The following PRCD variants were observed in gnomAD, a reference collection of about 807,000 sequenced individuals.
The protein encoded by PRCD is photoreceptor disc component.
A neutral mutation model predicts 10.1 loss-of-function variants in PRCD; 12 were observed. The ratio of observed to expected loss-of-function variants is 1.18; its 90% CI spans 0.76 to 1.92. The LOEUF is 1.92. Ranked by LOEUF, PRCD falls within the 40% of genes most tolerant of loss-of-function variation. The pLI is 0.00. For missense variants in PRCD, 61 were observed against 72.2 expected, an observed-to-expected ratio of 0.84 and a Z score of 0.56; for synonymous variants, 31 against 26.2, an observed-to-expected ratio of 1.18 and a Z score of -0.56.
intron 2 of PRCD, among the ~76,000 whole-genome samples, chr17:76,541,544 C>A (rs2074993787): frequency 2.0e-5 from 3 of 152,110 alleles, no homozygotes; most frequent in Non-Finnish European, 4.4e-5. Flanking sequence ...TCGTCTGAGT[C>A]CTGGGATTCT....
At position 76,544,924 on chromosome 17, in the gene PRCD, AGGT is replaced by A; in HGVS notation, c.*1280_*1282del. Reference sequence around the variant, plus strand: ...CCACTGTTCCGAGAACCTGCGCAGGAGGTGGTGGCTGCTCCAGGGATCCATCCA... The same window carrying A: ...CCACTGTTCCGAGAACCTGCGCAGGAGGTGGCTGCTCCAGGGATCCATCCA... On this transcript the variant is annotated 3_prime_UTR_variant, in exon 5 of 5. Coordinates refer to ENST00000592014, the MANE Select transcript of PRCD (RefSeq NM_001077620.3). 2.2e-6 allele frequency: 1 copy of A among 456,632 alleles called. No homozygotes were observed. Among genetic ancestry groups the A allele is most frequent in the Non-Finnish European group, 4.4e-6 (1 of 226,952 alleles). 28.3% of individuals were successfully genotyped at this position (456,632 alleles called of 1,614,324 possible). A position where few individuals can be genotyped will look rare whatever the true frequency, so the allele number is the denominator to read the frequency against.
Position 76,544,733 on chromosome 17 carries a change from G to A in PRCD, c.*1083G>A, listed in dbSNP as rs778404458. 178 of 456,652 alleles carry A rather than the reference G, an allele frequency of 3.9e-4. No individual in the cohort carries two copies. The highest frequency in any genetic ancestry group is 1.6e-4 in the Non-Finnish European group (36 of 226,984). The allele number at this position is 456,652 out of a possible 1,614,324, so 28.3% of individuals were successfully genotyped here. ...TCCCGGGACCCAGTCTGTGTTCCCC[G>A]ATCCTATCTGCATTTATTCTCTATT... On this transcript the variant is annotated 3_prime_UTR_variant, in exon 5 of 5. Coordinates refer to ENST00000592014, the MANE Select transcript of PRCD (RefSeq NM_001077620.3).
intron 1 of PRCD, chr17:76,551,146 G>C (rs1338561705): frequency 6.6e-6 from 1 of 152,180 alleles, no homozygotes; most frequent in African/African-American, 2.4e-5. Context: ...AACTTCGCAG[G>C]AAGTATTTAA....
rs1022738846 is a variant in PRCD, at chr17:76,544,694, C to A, written c.*1044C>A. On this transcript the variant is annotated 3_prime_UTR_variant, in exon 5 of 5. Transcript: ENST00000592014. ...GGTGACAGGCCTGTCAGGCTGAGGGCCAGAGGGCACTGTTCCCGGGACCCA... is the reference window on the plus strand; with the variant it reads ...GGTGACAGGCCTGTCAGGCTGAGGGACAGAGGGCACTGTTCCCGGGACCCA... The A allele has an allele frequency of 2.2e-6, 1 of 456,664 alleles. No individual in the cohort carries two copies. The highest frequency in any genetic ancestry group is 2.0e-5 in the African/African-American group (1 of 50,088). The allele number at this position is 456,664 out of a possible 1,614,324, so 28.3% of individuals were successfully genotyped here.
chr17:76,544,659 C>T lies in PRCD; in HGVS notation c.*1009C>T, dbSNP rs1256119330. ...AGCCTGTCTCTCTCTTTGGAGGCAT[C>T]GGCCTTCCTGGTGACAGGCCTGTCA... On this transcript the variant is annotated 3_prime_UTR_variant, in exon 5 of 5. Transcript: ENST00000592014. 6 of 456,790 alleles carry T rather than the reference C, an allele frequency of 1.3e-5. No individual in the cohort carries two copies. The highest frequency in any genetic ancestry group is 3.3e-4 in the Middle Eastern group (1 of 3,076). 28.3% of individuals were successfully genotyped at this position (456,790 alleles called of 1,614,324 possible).
At position 76,545,068 on chromosome 17, in the gene PRCD, TG is replaced by T. The variant is rs558478413; in HGVS notation, c.*1419del. 2.3e-4 allele frequency: 103 copies of T among 451,614 alleles called. No homozygotes were observed. The highest frequency in any genetic ancestry group is 4.9e-4 in the Middle Eastern group (1 of 2,028). 28.0% of individuals were successfully genotyped at this position (451,614 alleles called of 1,614,324 possible). A position where few individuals can be genotyped will look rare whatever the true frequency, so the allele number is the denominator to read the frequency against. The stretch of plus-strand genomic sequence containing the variant: ...TGCCATGTGGGCCGGGTGGGGGGGC[TG>T]TCTCCCCCAGGGAGCAGGCTGGCTT... On this transcript the variant is annotated 3_prime_UTR_variant, in exon 5 of 5. Transcript: ENST00000592014.
chr17:76,528,920 G>A lies in PRCD; in HGVS notation n.45+1087G>A. The A allele has an allele frequency of 8.6e-7, 1 of 1,166,806 alleles. No individual in the cohort carries two copies. Among genetic ancestry groups the A allele is most frequent in the Non-Finnish European group, 1.1e-6 (1 of 947,298 alleles). 72.3% of individuals were successfully genotyped at this position (1,166,806 alleles called of 1,614,324 possible). On this transcript the variant is annotated intron_variant and non_coding_transcript_variant, in intron 1 of 4. Coordinates refer to the PRCD transcript ENST00000397633. This position sits in a 1 kb window ranked among gnomAD's most constrained non-coding sequence, Gnocchi z 5.8. ...ACAAACTGCAAAGCACGATACCAAT[G>A]TGAGCTCTTTTTCCATTAATTCTGA...
chr17:76,529,065 CA>C, intron 1 of PRCD: 1 of 554,142 alleles, frequency 1.8e-6, no homozygotes, highest in South Asian at 8.4e-5. Context: ...ACCCCCCACC[CA>C]CGCAAAGGCG....
upstream of PRCD, chr17:76,537,329 C>T: frequency 1.4e-6 from 2 of 1,457,006 alleles, no homozygotes; most frequent in Admixed American, 5.0e-5. Context: ...GGACCCGGGC[C>T]CAGCCCTCCT....
upstream of PRCD, among the ~76,000 whole-genome samples, chr17:76,536,277 C>G (rs1000985664): frequency 9.9e-5 from 15 of 152,166 alleles, no homozygotes; most frequent in African/African-American, 2.4e-4. Flanking sequence ...GGAGCTGGGT[C>G]GGTCCCAGGC....
Position 76,531,747 on chromosome 17 carries a change from T to G in PRCD, n.45+3914T>G. 6.8e-7 allele frequency: 1 copy of G among 1,463,558 alleles called. No homozygotes were observed. Among genetic ancestry groups the G allele is most frequent in the Non-Finnish European group, 9.3e-7 (1 of 1,070,156 alleles). 90.7% of individuals were successfully genotyped at this position (1,463,558 alleles called of 1,614,324 possible). On this transcript the variant is annotated intron_variant and non_coding_transcript_variant, in intron 1 of 4. Coordinates refer to the PRCD transcript ENST00000397633. The surrounding 1 kb of genome is among the most constrained non-coding windows in gnomAD (Gnocchi z 7.4). ...GCTGGAGGCTGCCTCGGGCCCACCC[T>G]GAAGCTTCCAGGATAGTGGGGGCTG...
rs2074848092 is a variant in PRCD, at chr17:76,531,799, C to A, written n.45+3966C>A. The A allele has an allele frequency of 1.2e-6, 1 of 866,252 alleles. No homozygotes were observed. The highest frequency in any genetic ancestry group is 1.7e-5 in the African/African-American group (1 of 59,110). 53.7% of individuals were successfully genotyped at this position (866,252 alleles called of 1,614,324 possible). The stretch of plus-strand genomic sequence containing the variant: ...AGAAGTGGACCGCAGTGCTCCCCAC[C>A]CCCGCACCGTCACTGTTTTCACTAC... On this transcript the variant is annotated intron_variant and non_coding_transcript_variant, in intron 1 of 4. Transcript: ENST00000397633. The surrounding 1 kb of genome is among the most constrained non-coding windows in gnomAD (Gnocchi z 7.4).
chr17:76,530,774 C>T lies in PRCD; in HGVS notation n.45+2941C>T, dbSNP rs956024211. ...GGATTTTTGCTCAGGGCTCATGGCTCTGAGCAGCCTGAAGTCACAGGGGAG... is the reference window on the plus strand; with the variant it reads ...GGATTTTTGCTCAGGGCTCATGGCTTTGAGCAGCCTGAAGTCACAGGGGAG... On this transcript the variant is annotated intron_variant and non_coding_transcript_variant, in intron 1 of 4. Coordinates refer to the PRCD transcript ENST00000397633. This position sits in a 1 kb window ranked among gnomAD's most constrained non-coding sequence, Gnocchi z 6.1. Among the ~76,000 whole-genome samples, 2 of 152,104 alleles carry T rather than the reference C, an allele frequency of 1.3e-5. No individual in the cohort carries two copies. Among genetic ancestry groups the T allele is most frequent in the Admixed American group, 1.3e-4 (2 of 15,284 alleles).
intron 1 of PRCD, chr17:76,551,243 G>A (rs2075106158): frequency 6.6e-6 from 1 of 152,212 alleles, no homozygotes; most frequent in South Asian, 2.1e-4. Flanking sequence ...ACAAGCAAAG[G>A]TTATGCAACA....
intron 1 of PRCD, among the ~76,000 whole-genome samples, chr17:76,534,628 C>A (rs1008457050): frequency 6.6e-6 from 1 of 152,246 alleles, no homozygotes; most frequent in African/African-American, 2.4e-5. Context: ...TAATCCCCAT[C>A]CTATGAATTA....
In PRCD at chr17:76,528,588, G is replaced by A; in HGVS notation, n.45+755G>A. The A allele has an allele frequency of 7.8e-7, 1 of 1,288,052 alleles. No individual in the cohort carries two copies. 79.8% of individuals were successfully genotyped at this position (1,288,052 alleles called of 1,614,324 possible). On this transcript the variant is annotated intron_variant and non_coding_transcript_variant, in intron 1 of 4. Transcript: ENST00000397633. The surrounding 1 kb of genome is among the most constrained non-coding windows in gnomAD (Gnocchi z 5.8). The stretch of plus-strand genomic sequence containing the variant: ...GTGGAGTTAGGGGTCCTACGGCCCC[G>A]AAGAGGGCAGTGTGGCCGGTGGGCT...
At chr17:76,551,062 A>G (rs1489484797) in intron 1 of PRCD, 1 of 152,234 alleles carries the variant, frequency 6.6e-6, no homozygotes, top group Non-Finnish European at 1.5e-5. Flanking sequence ...GTTGCAGACA[A>G]TGTGCTAATC....
chr17:76,531,743 A>T lies in PRCD; in HGVS notation n.45+3910A>T. 6.8e-7 allele frequency: 1 copy of T among 1,478,866 alleles called. No homozygotes were observed. The highest frequency in any genetic ancestry group is 9.2e-7 in the Non-Finnish European group (1 of 1,082,400). The allele number at this position is 1,478,866 out of a possible 1,614,324, so 91.6% of individuals were successfully genotyped here. On this transcript the variant is annotated intron_variant and non_coding_transcript_variant, in intron 1 of 4. Coordinates refer to the PRCD transcript ENST00000397633. This position sits in a 1 kb window ranked among gnomAD's most constrained non-coding sequence, Gnocchi z 7.4. ...TGAAGCTGGAGGCTGCCTCGGGCCC[A>T]CCCTGAAGCTTCCAGGATAGTGGGG...
At position 76,540,655 on chromosome 17, in the gene PRCD, G is replaced by T. The variant is rs114639342; in HGVS notation, c.143+82G>T. The T allele has an allele frequency of 3.3e-3, 4,272 of 1,298,544 alleles. 13 individuals carry two copies. Among genetic ancestry groups the T allele is most frequent in the Non-Finnish European group, 4.2e-3 (3,767 of 905,526 alleles). The allele number at this position is 1,298,544 out of a possible 1,614,324, so 80.4% of individuals were successfully genotyped here. On this transcript the variant is annotated intron_variant, in intron 2 of 4. Coordinates refer to ENST00000592014, the MANE Select transcript of PRCD (RefSeq NM_001077620.3). The surrounding 1 kb of genome is among the most constrained non-coding windows in gnomAD (Gnocchi z 5.0). ...TGCATGCCTGGGGGTGCACGTGTGTGCCTGTGCGCGCCTGTGCGTGCACCG... is the reference window on the plus strand; with the variant it reads ...TGCATGCCTGGGGGTGCACGTGTGTTCCTGTGCGCGCCTGTGCGTGCACCG...
Sources: gnomAD v4.1 joint callset for allele counts (sites outside exome capture counted in the v4.1 genomes callset) on GRCh38, gnomAD v4.1.1 for gene constraint, Gnocchi (gnomAD v3.1) non-coding constraint, MANE v1.5 for transcripts, NCBI Gene and HGNC (gene_info 2026-07-23, HGNC 2026-07-21) for gene names.